Variants in PCNX1 observed in about 807,000 individuals in gnomAD.
PCNX1 encodes pecanex-like protein 1.
A neutral mutation model predicts 242.2 loss-of-function variants in PCNX1; 78 were observed. The ratio of observed to expected loss-of-function variants is 0.32; its 90% CI spans 0.27 to 0.39. The LOEUF (loss-of-function observed/expected upper bound fraction) is 0.39. PCNX1 is among the 10% of genes least tolerant of loss of function. The pLI is 1.00. For missense variants in PCNX1, 2,581 were observed against 2,856.5 expected (o/e 0.90, Z 2.20); for synonymous variants, 1,024 against 1,032.9 (o/e 0.99, Z 0.17).
rs1333423763 is a variant in PCNX1, at chr14:71,073,631, A to G, written c.4939A>G (p.Ile1647Val). ...ATTTTGCTGTTGTGAACCTGGCCATATTCCTCACATGCTTTCATTTAATGC... is the reference window on the plus strand; with the variant it reads ...ATTTTGCTGTTGTGAACCTGGCCATGTTCCTCACATGCTTTCATTTAATGC... ...EGFCCCEPGH[I>V]PHMLSFNAAF... Residue 1647 changes from isoleucine (I) to valine (V), a missense_variant, in exon 27 of 36, where the codon ATT (isoleucine) becomes GTT (valine). Ile to Val is a conservative substitution (Grantham distance 29). Transcript: ENST00000304743. 1 of 1,614,004 alleles carries G rather than the reference A, an allele frequency of 6.2e-7. No homozygotes were observed. Among genetic ancestry groups the G allele is most frequent in the Admixed American group, 1.7e-5 (1 of 60,012 alleles).
In PCNX1 at chr14:71,111,109, T is replaced by G. The variant is rs187441406; in HGVS notation, c.*1174T>G. 1.8e-3 allele frequency: 275 copies of G among 152,760 alleles called. No individual in the cohort carries two copies. Among genetic ancestry groups the G allele is most frequent in the African/African-American group, 6.3e-3 (263 of 41,574 alleles). 9.5% of individuals were successfully genotyped at this position (152,760 alleles called of 1,614,324 possible). A position where few individuals can be genotyped will look rare whatever the true frequency, so the allele number is the denominator to read the frequency against. Reference sequence around the variant, plus strand: ...GTTACTTGAATTTTATTTCCTGTAATTTATAGTGTGTAGCTGTAAATTGAA... The same window carrying G: ...GTTACTTGAATTTTATTTCCTGTAAGTTATAGTGTGTAGCTGTAAATTGAA... On this transcript the variant is annotated 3_prime_UTR_variant, in exon 36 of 36. Coordinates refer to ENST00000304743, the MANE Select transcript of PCNX1 (RefSeq NM_014982.3).
Position 70,928,422 on chromosome 14 carries a change from A to G in PCNX1, c.154-18493A>G, listed in dbSNP as rs182001932. Among the ~76,000 whole-genome samples, 274 of 152,340 alleles carry G rather than the reference A, an allele frequency of 1.8e-3. 4 individuals are homozygous for G. The highest frequency in any genetic ancestry group is 1.4e-3 in the Non-Finnish European group (97 of 68,012). ...TGGGAGAAACAGGATAGGTAAAGCT[A>G]TTTAAGTTGGACTTGCCATGAGACA... On this transcript the variant is annotated intron_variant, in intron 1 of 35. Transcript: ENST00000304743.
At chr14:71,000,549 C>T (rs1443464189) in intron 8 of PCNX1, among the ~76,000 whole-genome samples, 2 of 105,866 alleles carry the variant, frequency 1.9e-5, no homozygotes, top group African/African-American at 4.2e-5. Context: ...TTTTTTTTGA[C>T]GGAGTCTCAC....
intron 30 of PCNX1, chr14:71,093,979 T>G (rs2062205799): frequency 6.6e-6 from 1 of 152,230 alleles, no homozygotes; most frequent in African/African-American, 2.4e-5. Context: ...TAGTAAGGCT[T>G]CTAGTCAACA....
intron 30 of PCNX1, among the ~76,000 whole-genome samples, chr14:71,094,589 AC>A (rs1450660002): frequency 6.6e-6 from 1 of 151,720 alleles, no homozygotes; most frequent in Admixed American, 6.6e-5. Flanking sequence ...TTCTTTCCCC[AC>A]CCCCTCCAAC....
chr14:70,920,148 T>G (rs2056322471), intron 1 of PCNX1, among the ~76,000 whole-genome samples: 1 of 152,168 alleles, frequency 6.6e-6, no homozygotes, highest in Admixed American at 6.5e-5. Context: ...TGTTATAATT[T>G]TAGATTTACA....
intron 1 of PCNX1, among the ~76,000 whole-genome samples, chr14:70,919,658 A>T (rs1000110312): frequency 1.4e-5 from 2 of 144,952 alleles, no homozygotes; most frequent in Admixed American, 7.2e-5. Context: ...TTTACTAAAT[A>T]CTATAGATGA....
intron 11 of PCNX1, among the ~76,000 whole-genome samples, chr14:71,015,338 G>A (rs1331778875): frequency 6.6e-6 from 1 of 152,200 alleles, no homozygotes; most frequent in Non-Finnish European, 1.5e-5. Flanking sequence ...ATCTCTTTAA[G>A]AGGTAACTGT....
chr14:70,978,806 G>C (rs1427284205), intron 6 of PCNX1, among the ~76,000 whole-genome samples, 158 bp downstream of exon 6: 1 of 152,084 alleles, frequency 6.6e-6, no homozygotes, highest in East Asian at 1.9e-4. Context: ...GATTATCTTA[G>C]AAAAGGTTTT....
At chr14:70,921,476 G>A (rs893376449) in intron 1 of PCNX1, among the ~76,000 whole-genome samples, 2 of 152,024 alleles carry the variant, frequency 1.3e-5, no homozygotes, top group Non-Finnish European at 2.9e-5. Flanking sequence ...GATAAGATCT[G>A]CCTATGTTGC....
chr14:71,038,911 T>C (rs916574902), intron 19 of PCNX1, among the ~76,000 whole-genome samples: 2 of 151,524 alleles, frequency 1.3e-5, no homozygotes, highest in Admixed American at 1.3e-4. Context: ...GATGAGTTCA[T>C]GTCCTTTGTA....
chr14:70,926,849 G>A (rs1028708926), intron 1 of PCNX1, among the ~76,000 whole-genome samples: 1 of 152,148 alleles, frequency 6.6e-6, no homozygotes, highest in African/African-American at 2.4e-5. Context: ...TTCACAGGGA[G>A]CGTGATGAGG....
At chr14:71,012,843 ATG>A (rs2059860812) in intron 10 of PCNX1, 140 bp from the exon 11 acceptor site, 1 of 607,098 alleles carries the variant, frequency 1.6e-6, no homozygotes, top group Admixed American at 2.8e-5. Context: ...AAAAAAGTGT[ATG>A]AGAGAAGAAA....
intron 7 of PCNX1, among the ~76,000 whole-genome samples, chr14:70,994,484 A>T (rs1595172822): frequency 6.9e-6 from 1 of 145,560 alleles, no homozygotes; most frequent in South Asian, 2.2e-4. Context: ...TCTGCAATAC[A>T]TGAGTTTGTT....
intron 26 of PCNX1, among the ~76,000 whole-genome samples, chr14:71,059,141 T>C (rs2061259347): frequency 6.6e-6 from 1 of 152,140 alleles, no homozygotes; most frequent in Admixed American, 6.6e-5. Flanking sequence ...GGGGGGGTGG[T>C]TCTTCTTACC....
intron 2 of PCNX1, among the ~76,000 whole-genome samples, chr14:70,952,053 T>C (rs1484701624): frequency 6.6e-6 from 1 of 152,208 alleles, no homozygotes; most frequent in Non-Finnish European, 1.5e-5. Context: ...GAGAAGCTAC[T>C]TAAGCTTTTG....
At chr14:70,966,814 A>G (rs566107317) in intron 3 of PCNX1, among the ~76,000 whole-genome samples, 116 of 152,210 alleles carry the variant, frequency 7.6e-4, no homozygotes, top group African/African-American at 2.6e-3. Context: ...TCTGTCTAGG[A>G]AGTTATATTT....
At chr14:71,026,906 A>G in intron 15 of PCNX1, 24 bp downstream of exon 15, 1 of 993,242 alleles carries the variant, frequency 1.0e-6, no homozygotes. Flanking sequence ...TATAAAAATT[A>G]TAGATTACAG....
chr14:70,947,263 G>A (rs140971804), intron 2 of PCNX1, 140 bp downstream of exon 2: 315 of 654,264 alleles, frequency 4.8e-4, no homozygotes, highest in African/African-American at 3.4e-3. Context: ...ATACAATGAT[G>A]GGTACATATT....
Sources: gnomAD v4.1 joint callset for allele counts (sites outside exome capture counted in the v4.1 genomes callset) on GRCh38, gnomAD v4.1.1 for gene constraint, MANE v1.5 for transcripts, NCBI Gene and HGNC (gene_info 2026-07-23, HGNC 2026-07-21) for gene names.